Variants in NRXN1 observed in about 807,000 individuals in gnomAD.
NRXN1 encodes neurexin-1.
A neutral mutation model predicts 150.9 loss-of-function variants in NRXN1; 39 were observed. The ratio of observed to expected loss-of-function variants is 0.26; its 90% CI spans 0.20 to 0.34. NRXN1 has a LOEUF of 0.34. NRXN1 is among the 10% of genes least tolerant of loss of function. NRXN1 has a pLI of 1.00. For synonymous variants in NRXN1, 924 were observed against 757.0 expected (o/e 1.22, Z -3.62); for missense variants, 1,815 against 1,949.9 (o/e 0.93, Z 1.30).
intron 21 of NRXN1, among the ~76,000 whole-genome samples, chr2:49,992,858 A>G (rs188342282): frequency 1.8e-4 from 28 of 152,278 alleles, no homozygotes; most frequent in African/African-American, 5.3e-4. Context: ...CAACAGTAAG[A>G]TATCATTACA....
chr2:49,972,290 T>G (rs1193792129), intron 21 of NRXN1, among the ~76,000 whole-genome samples: 1 of 152,186 alleles, frequency 6.6e-6, no homozygotes, highest in Non-Finnish European at 1.5e-5. Context: ...GCTGAGAGAT[T>G]AATTTCATTT....
At chr2:50,481,186 C>T (rs189141698) in intron 15 of NRXN1, among the ~76,000 whole-genome samples, 12 of 152,192 alleles carry the variant, frequency 7.9e-5, no homozygotes, top group Non-Finnish European at 1.3e-4. Context: ...CACATGTACA[C>T]CCTGTACACT....
chr2:50,139,324 CAA>C (rs35142652), intron 18 of NRXN1, among the ~76,000 whole-genome samples: 1,471 of 77,354 alleles, frequency 0.019, 7 homozygotes, highest in Non-Finnish European at 0.028. Flanking sequence ...GACTTGGTAT[CAA>C]AAAAAAAAAA....
rs79356894 is a variant in NRXN1 at position 50,743,437 on chromosome 2, C to G, written c.833-119822G>C. Among the ~76,000 whole-genome samples, 284 of 152,098 alleles carry G rather than the reference C, an allele frequency of 1.9e-3. 6 individuals carry two copies. In the East Asian group the frequency reaches 0.045, roughly 24 times the overall value. On this transcript the variant is annotated intron_variant, in intron 5 of 22. Transcript: ENST00000401669. ...TTTCAAATGAGACAATTTTGTGCCT[C>G]AAGAGTTTATGTTAGCTGGGAAATG... is the stretch of plus-strand genomic sequence containing the variant.
At position 51,028,129 on chromosome 2, in the gene NRXN1, A is replaced by T; in HGVS notation, c.145T>A (p.Cys49Ser). The T allele has an allele frequency of 6.4e-7, 1 of 1,565,882 alleles. No homozygotes were observed. Among genetic ancestry groups the T allele is most frequent in the Non-Finnish European group, 8.6e-7 (1 of 1,158,434 alleles). The stretch of plus-strand genomic sequence containing the variant: ...TGGAAGCTCATCTCGCTCTCGCAGC[A>T]GGCGTTCCACTTGGGGAAGCGCGTC... Reference protein sequence around the residue: ...QWTRFPKWNACCESEMSFQLK... With the variant: ...QWTRFPKWNASCESEMSFQLK... Residue 49 changes from cysteine to serine, a missense_variant, in exon 2 of 23, where the codon TGC (cysteine) becomes AGC (serine). By Grantham distance (112) the Cys-to-Ser change is moderately radical (BLOSUM62 -1). Coordinates refer to ENST00000401669, the MANE Select transcript of NRXN1 (RefSeq NM_001330078.2).
intron 8 of NRXN1, among the ~76,000 whole-genome samples, chr2:50,577,344 G>T (rs1485300031): frequency 6.6e-6 from 1 of 151,416 alleles, no homozygotes; most frequent in African/African-American, 2.4e-5. Context: ...ATAAATGTTA[G>T]CTGCATATAC....
intron 8 of NRXN1, among the ~76,000 whole-genome samples, chr2:50,581,030 T>C (rs1029910365): frequency 6.6e-6 from 1 of 152,186 alleles, no homozygotes; most frequent in Admixed American, 6.5e-5. Flanking sequence ...GAGGACAATA[T>C]ACTATGCTGA....
At chr2:50,459,486 T>C (rs1021120471) in intron 17 of NRXN1, among the ~76,000 whole-genome samples, 6 of 152,088 alleles carry the variant, frequency 3.9e-5, no homozygotes, top group Admixed American at 1.3e-4. Flanking sequence ...AAGTAGACTG[T>C]GGTGTCTGCT....
intron 17 of NRXN1, among the ~76,000 whole-genome samples, chr2:50,344,743 C>G (rs1372890710): frequency 6.6e-6 from 1 of 152,242 alleles, no homozygotes; most frequent in East Asian, 1.9e-4. Flanking sequence ...GCGGCAGGGC[C>G]CCTTGGTCTT....
intron 8 of NRXN1, chr2:50,619,312 C>A (rs1392314522): frequency 2.0e-5 from 3 of 152,034 alleles, no homozygotes; most frequent in Non-Finnish European, 4.4e-5. Flanking sequence ...TTAAAGACAG[C>A]TTTTATGGAA....
chr2:50,063,753 G>T (rs1316116879), intron 19 of NRXN1, among the ~76,000 whole-genome samples: 2 of 152,040 alleles, frequency 1.3e-5, no homozygotes, highest in East Asian at 1.9e-4. Context: ...CATGATCAAA[G>T]AAGTTCATGT....
Position 49,921,623 on chromosome 2 carries a change from G to A in NRXN1, c.*321C>T, listed in dbSNP as rs1160616418. 3 of 295,838 alleles carry A rather than the reference G, an allele frequency of 1.0e-5. No individual in the cohort carries two copies. The highest frequency in any genetic ancestry group is 1.9e-5 in the Non-Finnish European group (3 of 156,750). 18.3% of individuals were successfully genotyped at this position (295,838 alleles called of 1,614,324 possible). Reference sequence around the variant, plus strand: ...TTTTGTGTTGTGCCTTGATGCTGTAGTACTCCTTTGCTTTATGAATGCGTG... The same window carrying A: ...TTTTGTGTTGTGCCTTGATGCTGTAATACTCCTTTGCTTTATGAATGCGTG... On this transcript the variant is annotated 3_prime_UTR_variant, in exon 23 of 23. Coordinates refer to ENST00000401669, the MANE Select transcript of NRXN1 (RefSeq NM_001330078.2).
chr2:50,536,846 A>G (rs2093272877), intron 10 of NRXN1, among the ~76,000 whole-genome samples: 1 of 152,180 alleles, frequency 6.6e-6, no homozygotes, highest in Non-Finnish European at 1.5e-5. Context: ...CATACTAACT[A>G]AACTATATAG....
chr2:49,988,301 G>C (rs1681280946), intron 21 of NRXN1, among the ~76,000 whole-genome samples: 1 of 150,504 alleles, frequency 6.6e-6, no homozygotes, highest in Non-Finnish European at 1.5e-5. Context: ...TAATTATTCT[G>C]ACTATTCTAT....
chr2:49,984,669 A>T (rs947277920), intron 21 of NRXN1, among the ~76,000 whole-genome samples: 31 of 151,666 alleles, frequency 2.0e-4, no homozygotes, highest in African/African-American at 7.5e-4. Context: ...CTAGGTACAA[A>T]GAATTGTGGG....
At chr2:49,996,868 C>T (rs898431097) in intron 21 of NRXN1, among the ~76,000 whole-genome samples, 4 of 152,206 alleles carry the variant, frequency 2.6e-5, no homozygotes, top group Non-Finnish European at 5.9e-5. Context: ...CAACAGGACA[C>T]AGATATAGAG....
intron 17 of NRXN1, among the ~76,000 whole-genome samples, chr2:50,435,946 A>C (rs1335755072): frequency 2.0e-5 from 3 of 152,176 alleles, no homozygotes; most frequent in Non-Finnish European, 4.4e-5. Context: ...TGTACCCCTA[A>C]ACTAAAATAA....
chr2:50,178,231 T>C (rs970760643), intron 18 of NRXN1, among the ~76,000 whole-genome samples: 5 of 152,034 alleles, frequency 3.3e-5, no homozygotes, highest in African/African-American at 1.2e-4. Flanking sequence ...CGAATATTTT[T>C]GGCAATGCCA....
chr2:50,343,106 G>C (rs1028385019), intron 17 of NRXN1, among the ~76,000 whole-genome samples: 2 of 152,194 alleles, frequency 1.3e-5, no homozygotes, highest in South Asian at 2.1e-4. Context: ...AAGCCCTTTT[G>C]CCCTTTAATA....
Sources: gnomAD v4.1 joint callset for allele counts (sites outside exome capture counted in the v4.1 genomes callset) on GRCh38, gnomAD v4.1.1 for gene constraint, MANE v1.5 for transcripts, NCBI Gene and HGNC (gene_info 2026-07-23, HGNC 2026-07-21) for gene names.